The following RSRC1 variants were observed in gnomAD, a reference collection of about 807,000 sequenced individuals.
The protein encoded by RSRC1 is serine/Arginine-related protein 53.
RSRC1 carries 39 observed loss-of-function variants against 49.1 expected under a neutral mutation model. That is an observed-to-expected ratio of 0.79 (90% confidence interval 0.61 to 1.04). The LOEUF (loss-of-function observed/expected upper bound fraction) is 1.04, where lower values mean the gene tolerates loss of function less well. Among genes scored for constraint, RSRC1 ranks in the 50% least tolerant of loss-of-function variants. RSRC1 has a pLI of 0.00. For missense variants in RSRC1, 388 were observed against 402.4 expected (o/e 0.96, Z 0.31); for synonymous variants, 143 against 130.8 (o/e 1.09, Z -0.63).
At chr3:158,363,016 C>T (rs542982415) in intron 6 of RSRC1, among the ~76,000 whole-genome samples, 6 of 152,242 alleles carry the variant, frequency 3.9e-5, no homozygotes, top group Admixed American at 2.0e-4. Context: ...GGTAAAACAA[C>T]TTATAAAATC....
chr3:158,408,198 C>T (rs549717242), intron 6 of RSRC1, among the ~76,000 whole-genome samples: 6 of 152,254 alleles, frequency 3.9e-5, no homozygotes, highest in African/African-American at 1.4e-4. Context: ...GTTCACTGAG[C>T]CATTATTAAA....
intron 6 of RSRC1, among the ~76,000 whole-genome samples, chr3:158,422,538 G>A (rs947349603): frequency 1.2e-4 from 18 of 151,108 alleles, no homozygotes; most frequent in Middle Eastern, 3.4e-3. Flanking sequence ...ATAAACATAC[G>A]TGTGCATGTG....
chr3:158,144,929 T>G (rs1716987703), intron 3 of RSRC1, among the ~76,000 whole-genome samples: 1 of 152,250 alleles, frequency 6.6e-6, no homozygotes, highest in Non-Finnish European at 1.5e-5. Context: ...TGAATAAATG[T>G]CTTCTTTTGA....
At chr3:158,336,103 G>T (rs1178215555) in intron 5 of RSRC1, among the ~76,000 whole-genome samples, 2 of 152,208 alleles carry the variant, frequency 1.3e-5, no homozygotes, top group Non-Finnish European at 2.9e-5. Context: ...TTATCTTTGG[G>T]CACATTTTGC....
intron 7 of RSRC1, among the ~76,000 whole-genome samples, chr3:158,476,098 A>G (rs77909997): frequency 0.026 from 4,013 of 152,298 alleles, 58 homozygotes; most frequent in Non-Finnish European, 0.038. Context: ...AGAAGATCAA[A>G]CCAGCTACAA....
intron 3 of RSRC1, among the ~76,000 whole-genome samples, chr3:158,174,625 A>T (rs961163548): frequency 1.3e-5 from 2 of 151,996 alleles, no homozygotes; most frequent in Admixed American, 6.6e-5. Context: ...TCATTACATT[A>T]GTGTGTAATC....
At chr3:158,354,721 AT>A in intron 5 of RSRC1, 135 bp from the exon 6 acceptor site, 1 of 630,798 alleles carries the variant, frequency 1.6e-6, no homozygotes, top group Non-Finnish European at 2.7e-6. Flanking sequence ...GATGTGATGG[AT>A]TTTAATATAA....
intron 4 of RSRC1, among the ~76,000 whole-genome samples, chr3:158,283,078 G>T (rs1726274495): frequency 6.6e-6 from 1 of 151,968 alleles, no homozygotes; most frequent in African/African-American, 2.4e-5. Context: ...TCTGTAGCTT[G>T]GATAATCACA....
In RSRC1 at chr3:158,308,979, A is replaced by G. The variant is rs538875592; in HGVS notation, c.531+10904A>G. Among the ~76,000 whole-genome samples the G allele has an allele frequency of 4.1e-4, 62 of 152,042 alleles. 1 individual carries two copies. The highest frequency in any genetic ancestry group is 3.4e-3 in the Middle Eastern group (1 of 294). On this transcript the variant is annotated intron_variant, in intron 5 of 9. Transcript: ENST00000611884. ...GGTTTCCATCTCAGCTTCATGCACA[A>G]TTGTCAGAGCTGTACATATGTAATG...
intron 5 of RSRC1, chr3:158,303,252 A>G (rs1011643220): frequency 2.6e-5 from 4 of 152,220 alleles, no homozygotes; most frequent in African/African-American, 4.8e-5. Flanking sequence ...GAGCTGTATG[A>G]AAAATTACTT....
intron 3 of RSRC1, among the ~76,000 whole-genome samples, chr3:158,139,363 G>C (rs962688892): frequency 6.6e-6 from 1 of 151,886 alleles, no homozygotes; most frequent in Admixed American, 6.6e-5. Context: ...CTGAGATCGC[G>C]CCACTGCACT....
At chr3:158,319,827 G>GT (rs1334299036) in intron 5 of RSRC1, among the ~76,000 whole-genome samples, 3 of 152,070 alleles carry the variant, frequency 2.0e-5, no homozygotes, top group Admixed American at 6.6e-5. Flanking sequence ...TGAATTCCTG[G>GT]TTTTTTAAGG....
intron 7 of RSRC1, among the ~76,000 whole-genome samples, chr3:158,518,169 A>G (rs1388450161): frequency 1.0e-4 from 2 of 19,946 alleles, no homozygotes; most frequent in African/African-American, 4.4e-4. Flanking sequence ...TTTTTTTTTT[A>G]CTCCCATACC....
chr3:158,434,097 A>C (rs927084117), intron 6 of RSRC1, among the ~76,000 whole-genome samples: 1 of 151,988 alleles, frequency 6.6e-6, no homozygotes, highest in Admixed American at 6.6e-5. Context: ...GATCACTGCT[A>C]TGCTAAAACT....
At chr3:158,274,788 A>T (rs1447747489) in intron 4 of RSRC1, among the ~76,000 whole-genome samples, 1 of 152,190 alleles carries the variant, frequency 6.6e-6, no homozygotes, top group Non-Finnish European at 1.5e-5. Flanking sequence ...AATGGTAAGG[A>T]TTTTTAGGGT....
chr3:158,189,257 T>C (rs1039596615), intron 3 of RSRC1, among the ~76,000 whole-genome samples: 2 of 151,900 alleles, frequency 1.3e-5, no homozygotes, highest in Non-Finnish European at 2.9e-5. Context: ...TTTTAGAAAA[T>C]ATTATAGGTA....
intron 4 of RSRC1, among the ~76,000 whole-genome samples, chr3:158,281,776 C>A (rs1345653887): frequency 6.6e-6 from 1 of 152,080 alleles, no homozygotes; most frequent in Non-Finnish European, 1.5e-5. Context: ...CATGGGGGAA[C>A]CACTGATGAC....
At chr3:158,347,153 C>T (rs920232831) in intron 5 of RSRC1, among the ~76,000 whole-genome samples, 5 of 152,128 alleles carry the variant, frequency 3.3e-5, no homozygotes, top group Admixed American at 1.3e-4. Context: ...TCTTTTTTTA[C>T]ATTGTTATTT....
chr3:158,415,170 A>T (rs1055820009), intron 6 of RSRC1, among the ~76,000 whole-genome samples: 2 of 152,096 alleles, frequency 1.3e-5, no homozygotes, highest in Non-Finnish European at 2.9e-5. Flanking sequence ...GAAAGCAGGA[A>T]ATATGACTTT....
Sources: allele counts gnomAD v4.1 joint callset (sites outside exome capture counted in the v4.1 genomes callset), GRCh38; gene constraint gnomAD v4.1.1; transcripts MANE v1.5; gene names NCBI Gene and HGNC (gene_info 2026-07-23, HGNC 2026-07-21).